Variants in OPCML observed in about 807,000 individuals in gnomAD.
OPCML encodes opioid binding protein/cell adhesion molecule like.
A neutral mutation model predicts 37.8 loss-of-function variants in OPCML; 13 were observed. The ratio of observed to expected loss-of-function variants is 0.34; its 90% CI spans 0.22 to 0.55. OPCML has a LOEUF of 0.55. Ranked by LOEUF, OPCML falls within the 20% of genes least tolerant of loss-of-function variation. The pLI, the probability that OPCML is intolerant of heterozygous loss-of-function variation, is 0.91. For synonymous variants in OPCML, 176 were observed against 168.8 expected, an observed-to-expected ratio of 1.04 and a Z score of -0.33; for missense variants, 341 against 435.6, an observed-to-expected ratio of 0.78 and a Z score of 1.93.
chr11:132,852,341 G>A (rs984235715), intron 2 of OPCML, among the ~76,000 whole-genome samples: 1 of 152,042 alleles, frequency 6.6e-6, no homozygotes, highest in Non-Finnish European at 1.5e-5. Flanking sequence ...AACCTAAGAG[G>A]GCAGAGGAAG....
At chr11:132,599,827 T>A (rs939724311) in intron 3 of OPCML, among the ~76,000 whole-genome samples, 1 of 152,234 alleles carries the variant, frequency 6.6e-6, no homozygotes, top group South Asian at 2.1e-4. Flanking sequence ...CAGTATAATA[T>A]TCACAGTGAA....
chr11:132,731,412 G>T (rs1945071100), intron 2 of OPCML, among the ~76,000 whole-genome samples: 1 of 152,178 alleles, frequency 6.6e-6, no homozygotes, highest in Non-Finnish European at 1.5e-5. Context: ...ATAAAGCTTG[G>T]TTCTCTTAGA....
At chr11:132,477,213 C>T (rs1039364637) in intron 4 of OPCML, among the ~76,000 whole-genome samples, 15 of 152,134 alleles carry the variant, frequency 9.9e-5, no homozygotes, top group Non-Finnish European at 2.1e-4. Context: ...AGCCAAGTCC[C>T]CATACACCCA....
intron 2 of OPCML, among the ~76,000 whole-genome samples, chr11:132,800,751 T>G (rs752899430): frequency 2.6e-5 from 4 of 152,220 alleles, no homozygotes; most frequent in Non-Finnish European, 5.9e-5. Context: ...TGGGACAAAT[T>G]GTATTTAGTC....
chr11:132,739,022 A>G (rs1404057607), intron 2 of OPCML, among the ~76,000 whole-genome samples: 1 of 151,834 alleles, frequency 6.6e-6, no homozygotes, highest in Non-Finnish European at 1.5e-5. Context: ...CGTTTGCGTA[A>G]AAGCAGGCTT....
intron 1 of OPCML, among the ~76,000 whole-genome samples, chr11:133,077,900 C>T (rs924772969): frequency 1.3e-5 from 2 of 152,120 alleles, no homozygotes; most frequent in African/African-American, 4.8e-5. Context: ...GCACTTCACA[C>T]ATAATTTGCT....
At chr11:132,605,371 C>T (rs1938214233) in intron 3 of OPCML, among the ~76,000 whole-genome samples, 1 of 150,884 alleles carries the variant, frequency 6.6e-6, no homozygotes, top group South Asian at 2.1e-4. Flanking sequence ...TCCTGACCAA[C>T]ATGGTGAAAC....
chr11:132,730,837 T>C (rs999076682), intron 2 of OPCML, among the ~76,000 whole-genome samples: 1 of 151,730 alleles, frequency 6.6e-6, no homozygotes, highest in African/African-American at 2.4e-5. Flanking sequence ...TAACATCACA[T>C]GAAGCCTGTA....
intron 1 of OPCML, among the ~76,000 whole-genome samples, chr11:133,218,682 C>T (rs772996439): frequency 1.3e-5 from 2 of 152,088 alleles, no homozygotes; most frequent in Non-Finnish European, 2.9e-5. Context: ...CAACTGCCTA[C>T]CCTACTCCAG....
At chr11:132,647,648 TTCA>T (rs1264450292) in intron 3 of OPCML, among the ~76,000 whole-genome samples, 3 of 152,268 alleles carry the variant, frequency 2.0e-5, no homozygotes, top group Admixed American at 6.5e-5. Context: ...CATAAAGGTC[TTCA>T]TCATTATTGT....
intron 1 of OPCML, among the ~76,000 whole-genome samples, chr11:133,094,395 C>G (rs1376935573): frequency 6.6e-6 from 1 of 152,120 alleles, no homozygotes; most frequent in Non-Finnish European, 1.5e-5. Context: ...ATATTATTTT[C>G]AAGTCTACGA....
intron 2 of OPCML, among the ~76,000 whole-genome samples, chr11:132,672,467 G>A (rs578024743): frequency 6.6e-6 from 1 of 152,262 alleles, no homozygotes; most frequent in Admixed American, 6.5e-5. Context: ...AAGCACTGAA[G>A]TAGTTGTGGA....
chr11:132,594,769 G>A (rs377254061), intron 3 of OPCML, among the ~76,000 whole-genome samples: 2 of 152,280 alleles, frequency 1.3e-5, no homozygotes, highest in Middle Eastern at 3.4e-3. Flanking sequence ...CAAATCTGGG[G>A]AAAATAACAA....
At position 133,504,748 on chromosome 11, in the gene OPCML, C is replaced by G. The variant is rs1411749650; in HGVS notation, c.61+27516G>C. On this transcript the variant is annotated intron_variant, in intron 1 of 7. Transcript: ENST00000524381. Reference sequence around the variant, plus strand: ...AAATGACGAAGAGAGGAACCATTGTCCCTGCTAGGTTTTGTGTTTCTGAGA... The same window carrying G: ...AAATGACGAAGAGAGGAACCATTGTGCCTGCTAGGTTTTGTGTTTCTGAGA... Among the ~76,000 whole-genome samples, 3 of 152,190 alleles carry G rather than the reference C, an allele frequency of 2.0e-5. No homozygotes were observed. In the East Asian group the frequency reaches 5.8e-4, roughly 29 times the overall value.
chr11:132,966,170 C>T (rs1395021641), intron 1 of OPCML, among the ~76,000 whole-genome samples: 1 of 151,806 alleles, frequency 6.6e-6, no homozygotes, highest in Non-Finnish European at 1.5e-5. Context: ...GGTGTTTGCA[C>T]CTAAAAATGT....
At chr11:132,799,504 G>A (rs1344372285) in intron 2 of OPCML, among the ~76,000 whole-genome samples, 1 of 152,130 alleles carries the variant, frequency 6.6e-6, no homozygotes, top group South Asian at 2.1e-4. Flanking sequence ...TACTAAGTTT[G>A]CCCTTTTATA....
chr11:133,161,991 T>C (rs887403526), intron 1 of OPCML, among the ~76,000 whole-genome samples: 2 of 144,536 alleles, frequency 1.4e-5, no homozygotes, highest in African/African-American at 5.2e-5. Context: ...CTGTCTTTTT[T>C]TTTTTTTTTT....
chr11:133,175,657 CT>C (rs35382294), intron 1 of OPCML, among the ~76,000 whole-genome samples: 10,672 of 142,368 alleles, frequency 0.075, 393 homozygotes, highest in African/African-American at 0.095. Flanking sequence ...AATTCACTGA[CT>C]TTTTTTTTTT....
intron 1 of OPCML, among the ~76,000 whole-genome samples, chr11:133,475,967 C>A (rs1307049678): frequency 6.6e-6 from 1 of 152,140 alleles, no homozygotes; most frequent in Non-Finnish European, 1.5e-5. Context: ...CAAGCTGCAT[C>A]CATTTGGAAA....
Sources: allele counts gnomAD v4.1 joint callset (sites outside exome capture counted in the v4.1 genomes callset), GRCh38; gene constraint gnomAD v4.1.1; transcripts MANE v1.5; gene names NCBI Gene and HGNC (gene_info 2026-07-23, HGNC 2026-07-21).